DIP2A: variants seen among roughly 807,000 people sequenced by gnomAD.
The protein encoded by DIP2A is DIP2 acetate--CoA ligase A, also known as disco-interacting protein 2 homolog A.
DIP2A carries 85 observed loss-of-function variants against 177.4 expected under a neutral mutation model. The observed-to-expected ratio is 0.48, with a 90% confidence interval of 0.40 to 0.57. The LOEUF is 0.57. DIP2A is among the 20% of genes least tolerant of loss of function. DIP2A has a pLI of 0.00. For missense variants in DIP2A, 1,791 were observed against 2,100.2 expected, an observed-to-expected ratio of 0.85 and a Z score of 2.88; for synonymous variants, 886 against 881.8, an observed-to-expected ratio of 1.00 and a Z score of -0.08.
chr21:46,554,787 C>A, intron 27 of DIP2A, 35 bp from the exon 28 acceptor site: 1 of 486,590 alleles, frequency 2.1e-6, no homozygotes. Context: ...GCTTGAGAGG[C>A]CCCGCCCACC....
chr21:46,461,470 A>G (rs2054308933), intron 1 of DIP2A, among the ~76,000 whole-genome samples: 1 of 151,954 alleles, frequency 6.6e-6, no homozygotes, highest in Non-Finnish European at 1.5e-5. Context: ...ATTTTTGCGT[A>G]TTGCTCCTAA....
chr21:46,492,031 T>G (rs1042335892), intron 3 of DIP2A, among the ~76,000 whole-genome samples: 4 of 152,236 alleles, frequency 2.6e-5, no homozygotes, highest in Non-Finnish European at 4.4e-5. Flanking sequence ...TTTGTTCTTG[T>G]GTTTAAGATA....
chr21:46,521,634 T>C (rs1412983666), intron 8 of DIP2A, among the ~76,000 whole-genome samples: 1 of 152,248 alleles, frequency 6.6e-6, no homozygotes, highest in Non-Finnish European at 1.5e-5. Flanking sequence ...AAGATTCTCA[T>C]AAACCTTTTA....
chr21:46,520,692 A>C (rs984583622), intron 8 of DIP2A, among the ~76,000 whole-genome samples: 4 of 152,244 alleles, frequency 2.6e-5, no homozygotes, highest in African/African-American at 9.6e-5. Flanking sequence ...TACTTCTGTG[A>C]CATGGAACAA....
intron 3 of DIP2A, among the ~76,000 whole-genome samples, chr21:46,493,946 C>T (rs1054630391): frequency 7.9e-5 from 12 of 152,166 alleles, no homozygotes; most frequent in African/African-American, 2.9e-4. Context: ...TACCTGCTTC[C>T]TCCCTTCCCA....
chr21:46,570,210 G>A (rs1401632964), downstream of DIP2A, among the ~76,000 whole-genome samples: 1 of 152,204 alleles, frequency 6.6e-6, no homozygotes, highest in African/African-American at 2.4e-5. Flanking sequence ...GTGGGTCAGA[G>A]TTCATGCCAG....
intron 10 of DIP2A, 105 bp downstream of exon 10, chr21:46,532,342 T>C (rs993844156): frequency 1.1e-6 from 1 of 914,042 alleles, no homozygotes; most frequent in Non-Finnish European, 1.7e-6. Flanking sequence ...AGCAGCTGTT[T>C]TGACAGAGGA....
intron 3 of DIP2A, among the ~76,000 whole-genome samples, chr21:46,494,338 GTTTGA>G (rs1555882722): frequency 6.6e-6 from 1 of 152,180 alleles, no homozygotes; most frequent in Non-Finnish European, 1.5e-5. Flanking sequence ...AGGTCACTAG[GTTTGA>G]TGAAAGTCAG....
In DIP2A at chr21:46,540,005, T is replaced by G. The variant is rs1335039306; in HGVS notation, c.2036+14T>G. ...CGCCATCCGCAGGTAACCTTATTCC[T>G]TGCTATGTCTCATGAGCACTTAGTT... On this transcript the variant is annotated intron_variant, in intron 17 of 37. Coordinates refer to ENST00000417564, the MANE Select transcript of DIP2A (RefSeq NM_015151.4). The G allele has an allele frequency of 8.7e-6, 14 of 1,600,188 alleles. No individual in the cohort carries two copies. Among genetic ancestry groups the G allele is most frequent in the Non-Finnish European group, 1.2e-5 (14 of 1,167,388 alleles).
At chr21:46,551,531 C>A in intron 23 of DIP2A, 103 bp from the exon 24 acceptor site, 1 of 972,380 alleles carries the variant, frequency 1.0e-6, no homozygotes, top group Non-Finnish European at 1.6e-6. Context: ...GAGTTAAATG[C>A]CTCATTCAAG....
intron 6 of DIP2A, among the ~76,000 whole-genome samples, chr21:46,507,142 G>A (rs936567694): frequency 6.6e-6 from 1 of 152,088 alleles, no homozygotes; most frequent in African/African-American, 2.4e-5. Flanking sequence ...CATCCCATAT[G>A]AGGTTTATCA....
intron 1 of DIP2A, among the ~76,000 whole-genome samples, chr21:46,460,512 G>C (rs1293686466): frequency 1.3e-5 from 2 of 152,084 alleles, no homozygotes; most frequent in Admixed American, 6.6e-5. Flanking sequence ...GATTTTGCTG[G>C]GTCTGGGGTA....
chr21:46,579,584 G>A, the DIP2A span, among the ~76,000 whole-genome samples: 3 of 152,190 alleles, frequency 2.0e-5, no homozygotes, highest in Admixed American at 2.0e-4. Context: ...TTTGAAGTGG[G>A]CATTTAGTGC....
Position 46,498,509 on chromosome 21 carries a change from AG to A in DIP2A, c.404-72del, listed in dbSNP as rs2057477123. The A allele has an allele frequency of 3.3e-6, 5 of 1,526,634 alleles. No individual in the cohort carries two copies. The highest frequency in any genetic ancestry group is 4.4e-6 in the Non-Finnish European group (5 of 1,129,102). The allele number at this position is 1,526,634 out of a possible 1,614,324, so 94.6% of individuals were successfully genotyped here. On this transcript the variant is annotated intron_variant, in intron 4 of 37. Transcript: ENST00000417564. This position sits in a 1 kb window ranked among gnomAD's most constrained non-coding sequence, Gnocchi z 4.3. ...GCTGCACACAGGTCTGGGAGGCTCCAGTGTGAGTGGGAACTCCGTCCTCCTC... is the reference window on the plus strand; with the variant it reads ...GCTGCACACAGGTCTGGGAGGCTCCATGTGAGTGGGAACTCCGTCCTCCTC...
chr21:46,506,929 T>C (rs2058045691), intron 6 of DIP2A, among the ~76,000 whole-genome samples: 1 of 151,094 alleles, frequency 6.6e-6, no homozygotes, highest in African/African-American at 2.4e-5. Flanking sequence ...GTCTCGTGAG[T>C]AGCTGGGATT....
chr21:46,466,136 ATGAG>A (rs1377861675), intron 1 of DIP2A, among the ~76,000 whole-genome samples: 2 of 152,184 alleles, frequency 1.3e-5, no homozygotes, highest in Non-Finnish European at 1.5e-5. Flanking sequence ...AATATAATGA[ATGAG>A]TATTTGATAT....
intron 3 of DIP2A, among the ~76,000 whole-genome samples, chr21:46,495,189 C>CTTCTCTTCTG (rs2057244412): frequency 1.3e-5 from 1 of 75,060 alleles, no homozygotes; most frequent in Non-Finnish European, 3.0e-5. Flanking sequence ...TTTCTCTTCT[C>CTTCTCTTCTG]TTCTCTTCTC....
In DIP2A at chr21:46,563,863, C is replaced by T. The variant is rs932654711; in HGVS notation, c.4095C>T (p.Leu1365=). The T allele has an allele frequency of 9.9e-6, 16 of 1,613,466 alleles. No homozygotes were observed. The highest frequency in any genetic ancestry group is 5.3e-5 in the African/African-American group (4 of 74,866). The change falls in exon 35 of 38, where the codon CTC becomes CTT. Residue 1365 remains leucine, a synonymous_variant. Transcript: ENST00000417564. The surrounding 1 kb of genome is among the most constrained non-coding windows in gnomAD (Gnocchi z 4.3). ...CATAGCTCTCCTCCTTCCAGATCCT[C>T]CCCGGCGTGAAGGTCATCATCGCAC... ...SLPLMESGKI[L]PGVKVIIAHT...
intron 8 of DIP2A, among the ~76,000 whole-genome samples, chr21:46,516,338 C>T (rs189962186): frequency 6.6e-6 from 1 of 151,936 alleles, no homozygotes; most frequent in Non-Finnish European, 1.5e-5. Flanking sequence ...TTCTCTCCTT[C>T]TGGGACTCCA....
Sources: gnomAD v4.1 joint callset for allele counts (sites outside exome capture counted in the v4.1 genomes callset) on GRCh38, gnomAD v4.1.1 for gene constraint, Gnocchi (gnomAD v3.1) non-coding constraint, MANE v1.5 for transcripts, NCBI Gene and HGNC (gene_info 2026-07-23, HGNC 2026-07-21) for gene names.